The following RANBP2 variants were observed in gnomAD, a reference collection of about 807,000 sequenced individuals.
RANBP2 encodes E3 SUMO-protein ligase RanBP2.
In RANBP2, 57 loss-of-function variants were observed where a neutral mutation model predicts 303.6. The observed-to-expected ratio is 0.19, with a 90% confidence interval of 0.15 to 0.23. The LOEUF (loss-of-function observed/expected upper bound fraction) is 0.23. RANBP2 is among the 10% of genes least tolerant of loss of function. The pLI, the probability that RANBP2 is intolerant of heterozygous loss-of-function variation, is 1.00. For synonymous variants in RANBP2, 1,167 were observed against 1,301.5 expected (o/e 0.90, Z 2.23); for missense variants, 3,138 against 3,780.8 (o/e 0.83, Z 4.46).
At chr2:108,880,798 C>T in the RANBP2 span, among the ~76,000 whole-genome samples, 144 of 152,272 alleles carry the variant, frequency 9.5e-4, no homozygotes, top group African/African-American at 3.2e-3. Flanking sequence ...ACAGTGCACC[C>T]AGTGACCAAA....
At chr2:109,242,429 A>G in the RANBP2 span, among the ~76,000 whole-genome samples, 3 of 152,124 alleles carry the variant, frequency 2.0e-5, no homozygotes, top group Non-Finnish European at 2.9e-5. Flanking sequence ...CCGTGCCTAG[A>G]GTCCTGGGCC....
chr2:109,158,564 T>C, the RANBP2 span, among the ~76,000 whole-genome samples: 6 of 152,170 alleles, frequency 3.9e-5, no homozygotes, highest in South Asian at 1.2e-3. Flanking sequence ...CTGTCTGACT[T>C]GCAGACAGAG....
At chr2:109,519,978 G>T in the RANBP2 span, among the ~76,000 whole-genome samples, 4,382 of 152,122 alleles carry the variant, frequency 0.029, 224 homozygotes, top group African/African-American at 0.099. Flanking sequence ...TGAGGAGGTG[G>T]TTGCATGCAT....
At chr2:108,956,921 T>C in the RANBP2 span, among the ~76,000 whole-genome samples, 2 of 152,184 alleles carry the variant, frequency 1.3e-5, no homozygotes, top group South Asian at 2.1e-4. Context: ...CCCGAGTAGC[T>C]GGGATTACAG....
the RANBP2 span, among the ~76,000 whole-genome samples, chr2:109,231,991 A>G: frequency 6.6e-6 from 1 of 152,196 alleles, no homozygotes; most frequent in African/African-American, 2.4e-5. Flanking sequence ...CCTTTTTAGT[A>G]CTGATGTGTA....
Position 108,749,016 on chromosome 2 carries a change from A to T in RANBP2, c.1160A>T (p.Asp387Val). 1 of 1,612,002 alleles carries T rather than the reference A, an allele frequency of 6.2e-7. No individual in the cohort carries two copies. The highest frequency in any genetic ancestry group is 8.5e-7 in the Non-Finnish European group (1 of 1,179,860). ...AAAAGCGGGCAGTCTGCATTATATG[A>T]TGCTCTGTTTTCTAGTCAGTCACCT... is the stretch of plus-strand genomic sequence containing the variant. The part of the protein sequence containing the change: ...ANKSGQSALY[D>V]ALFSSQSPKD... The change falls in exon 9 of 29, where the codon GAT becomes GTT. Residue 387 changes from aspartate to valine, a missense_variant. Asp to Val is a radical substitution (Grantham distance 152). Transcript: ENST00000283195.
At chr2:109,629,334 TATATATATATA>T in the RANBP2 span, among the ~76,000 whole-genome samples, 2 of 11,888 alleles carry the variant, frequency 1.7e-4, no homozygotes, top group African/African-American at 3.9e-4. Context: ...TATATATATA[TATATATATATA>T]TATATATATA....
chr2:109,090,499 G>T, the RANBP2 span, among the ~76,000 whole-genome samples: 145 of 152,174 alleles, frequency 9.5e-4, no homozygotes, highest in Non-Finnish European at 1.8e-3. Context: ...AATCAGGCTG[G>T]CATCCACCTC....
At chr2:109,473,157 C>G in the RANBP2 span, among the ~76,000 whole-genome samples, 1 of 152,226 alleles carries the variant, frequency 6.6e-6, no homozygotes, top group African/African-American at 2.4e-5. Context: ...TTAACTCTTG[C>G]AAAGCTCTGT....
the RANBP2 span, among the ~76,000 whole-genome samples, chr2:109,084,387 A>G: frequency 1.3e-3 from 193 of 152,350 alleles, 1 homozygote; most frequent in African/African-American, 4.4e-3. Flanking sequence ...AGGCATCTAC[A>G]TTGACTGATA....
the RANBP2 span, among the ~76,000 whole-genome samples, chr2:108,814,817 G>A: frequency 2.0e-5 from 3 of 151,560 alleles, no homozygotes; most frequent in African/African-American, 7.3e-5. Context: ...TATATTTTTA[G>A]TAGAGACAGC....
chr2:108,999,068 C>G, the RANBP2 span, among the ~76,000 whole-genome samples: 1 of 152,204 alleles, frequency 6.6e-6, no homozygotes, highest in East Asian at 1.9e-4. Context: ...GTCGAGCTGA[C>G]TATAGAGTTT....
chr2:109,467,416 T>C, the RANBP2 span, among the ~76,000 whole-genome samples: 2 of 152,110 alleles, frequency 1.3e-5, no homozygotes, highest in African/African-American at 4.8e-5. Context: ...CTATAAAACT[T>C]TGGAAAATGC....
At chr2:109,432,260 G>A in the RANBP2 span, among the ~76,000 whole-genome samples, 1 of 152,146 alleles carries the variant, frequency 6.6e-6, no homozygotes, top group Admixed American at 6.5e-5. Context: ...TAAGGCTGTG[G>A]GTGACAGGCA....
At chr2:109,090,329 CA>C in the RANBP2 span, among the ~76,000 whole-genome samples, 5 of 142,144 alleles carry the variant, frequency 3.5e-5, no homozygotes, top group Non-Finnish European at 7.8e-5. Context: ...CACACACACA[CA>C]CACACACACA....
At chr2:109,620,813 A>G in the RANBP2 span, among the ~76,000 whole-genome samples, 3 of 152,234 alleles carry the variant, frequency 2.0e-5, no homozygotes, top group Admixed American at 1.3e-4. Context: ...AGGTATACAA[A>G]TGACTACTTA....
chr2:108,750,824 C>T (rs1675824728), intron 9 of RANBP2, among the ~76,000 whole-genome samples: 1 of 152,158 alleles, frequency 6.6e-6, no homozygotes, highest in Non-Finnish European at 1.5e-5. Context: ...CCTGACTGCG[C>T]AGAACCTTTT....
the RANBP2 span, among the ~76,000 whole-genome samples, chr2:109,725,049 C>T: frequency 6.6e-6 from 1 of 152,190 alleles, no homozygotes; most frequent in Non-Finnish European, 1.5e-5. Context: ...CACTCATGGG[C>T]TCCCTCTGTA....
At chr2:108,945,664 C>T in the RANBP2 span, among the ~76,000 whole-genome samples, 1 of 152,128 alleles carries the variant, frequency 6.6e-6, no homozygotes, top group Non-Finnish European at 1.5e-5. Context: ...TTTCTAAATG[C>T]CATGGATCCC....
Sources: gnomAD v4.1 joint callset for allele counts (sites outside exome capture counted in the v4.1 genomes callset) on GRCh38, gnomAD v4.1.1 for gene constraint, MANE v1.5 for transcripts, NCBI Gene and HGNC (gene_info 2026-07-23, HGNC 2026-07-21) for gene names.